Variants in OSBPL3 observed in about 807,000 individuals in gnomAD.
OSBPL3 encodes the protein oxysterol-binding protein-related protein 3.
Under a neutral mutation model 120.1 loss-of-function variants are expected in OSBPL3, and 65 were observed. The observed-to-expected ratio is 0.54, with a 90% confidence interval of 0.44 to 0.67. The LOEUF (loss-of-function observed/expected upper bound fraction) is 0.67. Ranked by LOEUF, OSBPL3 falls within the 30% of genes least tolerant of loss-of-function variation. OSBPL3 has a pLI of 0.00. For synonymous variants in OSBPL3, 416 were observed against 402.6 expected, an observed-to-expected ratio of 1.03 and a Z score of -0.40; for missense variants, 1,004 against 1,082.1, an observed-to-expected ratio of 0.93 and a Z score of 1.01.
At position 24,871,897 on chromosome 7, in the gene OSBPL3, G is replaced by C. The variant is rs1802167153; in HGVS notation, c.213+56C>G. On this transcript the variant is annotated intron_variant, in intron 3 of 22. Coordinates refer to ENST00000313367, the MANE Select transcript of OSBPL3 (RefSeq NM_015550.4). This position sits in a 1 kb window ranked among gnomAD's most constrained non-coding sequence, Gnocchi z 4.8. ...ATTAAATATGAGTACCTAAGAACCA[G>C]GTGCTGAGTGGGGCAGTGTGAGTGC... The C allele has an allele frequency of 2.7e-6, 4 of 1,467,670 alleles. No individual in the cohort carries two copies. The highest frequency in any genetic ancestry group is 1.4e-5 in the African/African-American group (1 of 72,052). 90.9% of individuals were successfully genotyped at this position (1,467,670 alleles called of 1,614,324 possible).
At chr7:24,909,783 C>CTTTTTTTTT (rs10591188) in intron 1 of OSBPL3, among the ~76,000 whole-genome samples, 3 of 77,294 alleles carry the variant, frequency 3.9e-5, no homozygotes, top group Non-Finnish European at 4.6e-5. Context: ...TTTTTTCTTT[C>CTTTTTTTTT]TTTTTTTTTT....
chr7:24,963,741 G>C (rs77745794), intron 1 of OSBPL3, among the ~76,000 whole-genome samples: 1 of 152,336 alleles, frequency 6.6e-6, no homozygotes, highest in African/African-American at 2.4e-5. Flanking sequence ...ACCTTTTGAG[G>C]TGTCTATTTT....
At chr7:24,842,212 G>A in intron 13 of OSBPL3, 67 bp downstream of exon 13, 2 of 1,508,780 alleles carry the variant, frequency 1.3e-6, no homozygotes, top group Non-Finnish European at 1.8e-6. Flanking sequence ...ATTATTTACT[G>A]AACAGATTAA....
intron 19 of OSBPL3, among the ~76,000 whole-genome samples, chr7:24,811,183 A>G (rs2128118518): frequency 6.6e-6 from 1 of 152,284 alleles, no homozygotes. Context: ...TCCTGAACAC[A>G]TTATTTTTCA....
rs1223258753 is a variant in OSBPL3 at position 24,867,242 on chromosome 7, A to G, written c.382-1005T>C. 1.3e-5 allele frequency among the ~76,000 whole-genome samples: 2 copies of G among 152,056 alleles called. No individual in the cohort carries two copies. The highest frequency in any genetic ancestry group is 4.8e-5 in the African/African-American group (2 of 41,406). On this transcript the variant is annotated intron_variant, in intron 5 of 22. Coordinates refer to ENST00000313367, the MANE Select transcript of OSBPL3 (RefSeq NM_015550.4). The surrounding 1 kb of genome is among the most constrained non-coding windows in gnomAD (Gnocchi z 4.5). The stretch of plus-strand genomic sequence containing the variant: ...TATCCCTACTGAAAATATTAGCACC[A>G]TTTTTCTTTTTAAACTCTTTTATAA...
At chr7:24,905,792 A>G (rs1484392910) in intron 1 of OSBPL3, among the ~76,000 whole-genome samples, 3 of 152,210 alleles carry the variant, frequency 2.0e-5, no homozygotes, top group Non-Finnish European at 4.4e-5. Context: ...GCACTTCGGG[A>G]GGCCGAGGTG....
rs866790084 is a variant in OSBPL3, at chr7:24,802,744, T to C, written c.2567+1571A>G. 1.3e-5 allele frequency among the ~76,000 whole-genome samples: 2 copies of C among 152,186 alleles called. No homozygotes were observed. The highest frequency in any genetic ancestry group is 4.1e-4 in the South Asian group (2 of 4,826). ...TCATAATTGTACATTTTTCTTTTTT[T>C]AAAAAATGAAAATAGACAATGTATG... On this transcript the variant is annotated intron_variant, in intron 22 of 22. Transcript: ENST00000313367. The surrounding 1 kb of genome is among the most constrained non-coding windows in gnomAD (Gnocchi z 4.1).
chr7:24,889,796 G>A (rs1029769284), intron 2 of OSBPL3, among the ~76,000 whole-genome samples: 40 of 152,306 alleles, frequency 2.6e-4, no homozygotes, highest in African/African-American at 9.6e-4. Flanking sequence ...TGTGGAGGGG[G>A]AAGCCCCCAC....
intron 1 of OSBPL3, among the ~76,000 whole-genome samples, chr7:24,971,298 G>A (rs1477314891): frequency 1.3e-5 from 2 of 152,222 alleles, no homozygotes; most frequent in African/African-American, 4.8e-5. Context: ...GGATAACCAG[G>A]GTTCTTTGGG....
Position 24,881,522 on chromosome 7 carries a change from A to AT in OSBPL3, c.97-9454dup, listed in dbSNP as rs1803679958. 6.6e-6 allele frequency among the ~76,000 whole-genome samples: 1 copy of AT among 152,174 alleles called. No homozygotes were observed. The highest frequency in any genetic ancestry group is 2.1e-4 in the South Asian group (1 of 4,828). On this transcript the variant is annotated intron_variant, in intron 2 of 22. Transcript: ENST00000313367. The surrounding 1 kb of genome is among the most constrained non-coding windows in gnomAD (Gnocchi z 4.3). ...TACATTACAAATGTTAATAAAAGGG[A>AT]TACCACAAGGTTGAAAATTTGTAAA...
In OSBPL3 at chr7:24,852,904, G is replaced by C. The variant is rs966678170; in HGVS notation, c.1028-270C>G. ...TACTCTGGTGTGGGATGCTGATGGCGGGGGGACGGTGCCTACATGGGAGCA... is the reference window on the plus strand; with the variant it reads ...TACTCTGGTGTGGGATGCTGATGGCCGGGGGACGGTGCCTACATGGGAGCA... On this transcript the variant is annotated intron_variant, in intron 10 of 22. Coordinates refer to ENST00000313367, the MANE Select transcript of OSBPL3 (RefSeq NM_015550.4). This position sits in a 1 kb window ranked among gnomAD's most constrained non-coding sequence, Gnocchi z 4.1. Among the ~76,000 whole-genome samples, 3 of 152,040 alleles carry C rather than the reference G, an allele frequency of 2.0e-5. No individual in the cohort carries two copies. Among genetic ancestry groups the C allele is most frequent in the Admixed American group, 6.6e-5 (1 of 15,260 alleles).
chr7:24,808,457 G>T lies in OSBPL3; in HGVS notation c.2317+1350C>A, dbSNP rs890928652. On this transcript the variant is annotated intron_variant, in intron 20 of 22. Transcript: ENST00000313367. The surrounding 1 kb of genome is among the most constrained non-coding windows in gnomAD (Gnocchi z 4.6). ...TTTATCAAGGTGGTACTTTAACACT[G>T]AGACAGGATCGCAGTTCTCATCTGT... is the stretch of plus-strand genomic sequence containing the variant. Among the ~76,000 whole-genome samples the T allele has an allele frequency of 6.6e-6, 1 of 152,208 alleles. No homozygotes were observed. Among genetic ancestry groups the T allele is most frequent in the Non-Finnish European group, 1.5e-5 (1 of 68,036 alleles).
rs1329870673 is a variant in OSBPL3, at chr7:24,877,462, G to A, written c.97-5393C>T. ...CTTAGCCAGGTAAATTCTCATTTAG[G>A]CCCAAACCTCCTCCCTGGATGACAG... On this transcript the variant is annotated intron_variant, in intron 2 of 22. Transcript: ENST00000313367. This position sits in a 1 kb window ranked among gnomAD's most constrained non-coding sequence, Gnocchi z 4.8. Among the ~76,000 whole-genome samples the A allele has an allele frequency of 6.6e-6, 1 of 152,072 alleles. No individual in the cohort carries two copies. Among genetic ancestry groups the A allele is most frequent in the Non-Finnish European group, 1.5e-5 (1 of 68,010 alleles).
intron 2 of OSBPL3, among the ~76,000 whole-genome samples, chr7:24,874,239 A>G (rs1212018886): frequency 6.6e-6 from 1 of 152,238 alleles, no homozygotes; most frequent in African/African-American, 2.4e-5. Context: ...TTGTGAAAGA[A>G]GAGGGTGTGG....
chr7:24,845,403 A>G lies in OSBPL3; in HGVS notation c.1267-2990T>C, dbSNP rs1415434512. 3.4e-5 allele frequency among the ~76,000 whole-genome samples: 5 copies of G among 148,064 alleles called. No individual in the cohort carries two copies. In the South Asian group the frequency reaches 8.5e-4, roughly 25 times the overall value. ...AATAAGTAAAAAAAAAAAAAAAAAA[A>G]AAAAAAAAAAAGAAAACCCATACCT... On this transcript the variant is annotated intron_variant, in intron 12 of 22. Transcript: ENST00000313367.
chr7:24,937,311 T>C lies in OSBPL3; in HGVS notation c.-150+42575A>G, dbSNP rs750395534. Among the ~76,000 whole-genome samples, 16 of 152,172 alleles carry C rather than the reference T, an allele frequency of 1.1e-4. No individual in the cohort carries two copies. The highest frequency in any genetic ancestry group is 1.8e-4 in the Non-Finnish European group (12 of 68,022). On this transcript the variant is annotated intron_variant, in intron 1 of 22. Transcript: ENST00000313367. This position sits in a 1 kb window ranked among gnomAD's most constrained non-coding sequence, Gnocchi z 4.0. ...ACGTGGGGATTATGGGAACTACAAT[T>C]CAAGTTTTGTAGCAGCTTTGGGTGG... is the stretch of plus-strand genomic sequence containing the variant.
intron 1 of OSBPL3, among the ~76,000 whole-genome samples, chr7:24,963,473 G>A (rs1202100769): frequency 1.3e-5 from 2 of 152,164 alleles, no homozygotes; most frequent in Non-Finnish European, 2.9e-5. Context: ...CCTCCACCAA[G>A]AATCCGGCCA....
chr7:24,935,890 TTTA>T (rs1388085266), intron 1 of OSBPL3, among the ~76,000 whole-genome samples: 1 of 152,086 alleles, frequency 6.6e-6, no homozygotes, highest in Non-Finnish European at 1.5e-5. Flanking sequence ...ATCTTTTTTT[TTTA>T]TTATTATACT....
chr7:24,880,522 T>C (rs1264667082), intron 2 of OSBPL3, among the ~76,000 whole-genome samples: 1 of 152,220 alleles, frequency 6.6e-6, no homozygotes, highest in South Asian at 2.1e-4. Context: ...GATAGCTCTG[T>C]CCACCCAAGT....
Sources: allele counts gnomAD v4.1 joint callset (sites outside exome capture counted in the v4.1 genomes callset), GRCh38; gene constraint gnomAD v4.1.1; non-coding constraint Gnocchi (gnomAD v3.1); transcripts MANE v1.5; gene names NCBI Gene and HGNC (gene_info 2026-07-23, HGNC 2026-07-21).